RAC3: variants seen among roughly 807,000 people sequenced by gnomAD.
RAC3 encodes Rac family small GTPase 3.
In RAC3, 9 loss-of-function variants were observed where a neutral mutation model predicts 19.0. That is an observed-to-expected ratio of 0.47 (90% CI 0.29 to 0.83). The LOEUF (loss-of-function observed/expected upper bound fraction) is 0.83. Among genes scored for constraint, RAC3 ranks in the 40% least tolerant of loss-of-function variants. RAC3 has a pLI of 0.09. For synonymous variants in RAC3, 146 were observed against 111.8 expected, an observed-to-expected ratio of 1.31 and a Z score of -1.93; for missense variants, 203 against 260.8, an observed-to-expected ratio of 0.78 and a Z score of 1.53.
Position 82,033,902 on chromosome 17 carries a change from G to C in RAC3, c.*73G>C, listed in dbSNP as rs2043458042. 1 of 1,506,794 alleles carries C rather than the reference G, an allele frequency of 6.6e-7. No individual in the cohort carries two copies. The highest frequency in any genetic ancestry group is 8.9e-7 in the Non-Finnish European group (1 of 1,120,210). The allele number at this position is 1,506,794 out of a possible 1,614,324, so 93.3% of individuals were successfully genotyped here. A position where few individuals can be genotyped will look rare whatever the true frequency, so the allele number is the denominator to read the frequency against. On this transcript the variant is annotated 3_prime_UTR_variant, in exon 6 of 6. Transcript: ENST00000306897. This position sits in a 1 kb window ranked among gnomAD's most constrained non-coding sequence, Gnocchi z 6.2. ...CGTGTCCGCTGTTGTGTTGAGACGT[G>C]TGGTGTCCCTGAGTCGGCTGTGGGG... is the stretch of plus-strand genomic sequence containing the variant.
rs1005280185 is a variant in RAC3 at position 82,033,466 on chromosome 17, C to T, written c.315C>T (p.Cys105=). The change falls in exon 5 of 6, where the codon TGC becomes TGT. Residue 105 remains cysteine, a synonymous_variant. Coordinates refer to ENST00000306897, the MANE Select transcript of RAC3 (RefSeq NM_005052.3). This position sits in a 1 kb window ranked among gnomAD's most constrained non-coding sequence, Gnocchi z 6.2. ...AKWYPEVRHH[C]PHTPILLVGT... ...GGTACCCGGAGGTGCGGCACCACTG[C>T]CCCCACACGCCCATCCTCCTGGTGG... 5 of 1,610,160 alleles carry T rather than the reference C, an allele frequency of 3.1e-6. No homozygotes were observed. In the African/African-American group the frequency reaches 4.0e-5, roughly 13 times the overall value.
In RAC3 at chr17:82,033,418, A is replaced by G; in HGVS notation, c.289-22A>G. 1 of 1,568,438 alleles carries G rather than the reference A, an allele frequency of 6.4e-7. No homozygotes were observed. Among genetic ancestry groups the G allele is most frequent in the Non-Finnish European group, 8.6e-7 (1 of 1,157,536 alleles). ...GGGGTAGCCGACTCCGGGCCTAGGG[A>G]TCAGAGCGTCTGTCCCTGCAGTGGT... On this transcript the variant is annotated intron_variant, in intron 4 of 5. Coordinates refer to ENST00000306897, the MANE Select transcript of RAC3 (RefSeq NM_005052.3). This position sits in a 1 kb window ranked among gnomAD's most constrained non-coding sequence, Gnocchi z 6.2.
chr17:82,031,822 T>TGGCTG (rs1417615321), intron 1 of RAC3, 26 bp downstream of exon 1: 10 of 251,156 alleles, frequency 4.0e-5, no homozygotes, highest in Non-Finnish European at 6.0e-5. Context: ...GGAGGCCGCT[T>TGGCTG]GGCTGGGCTG....
intron 1 of RAC3, chr17:82,032,148 C>T: frequency 1.8e-6 from 1 of 553,670 alleles, no homozygotes. Flanking sequence ...GGAGTCGGGG[C>T]CTCTGCCTGG....
intron 1 of RAC3, 57 bp from the exon 2 acceptor site, chr17:82,032,330 G>C (rs1385711214): frequency 2.6e-6 from 4 of 1,564,390 alleles, no homozygotes; most frequent in Non-Finnish European, 3.5e-6. Flanking sequence ...GGCTGCCCTT[G>C]CTGGGCAGAG....
At position 82,031,720 on chromosome 17, in the gene RAC3, G is replaced by C. The variant is rs1221157556; in HGVS notation, c.-42G>C. 2 of 984,192 alleles carry C rather than the reference G, an allele frequency of 2.0e-6. No individual in the cohort carries two copies. Among genetic ancestry groups the C allele is most frequent in the African/African-American group, 3.5e-5 (2 of 56,510 alleles). 61.0% of individuals were successfully genotyped at this position (984,192 alleles called of 1,614,324 possible). A position where few individuals can be genotyped will look rare whatever the true frequency, so the allele number is the denominator to read the frequency against. On this transcript the variant is annotated 5_prime_UTR_variant, in exon 1 of 6. Coordinates refer to ENST00000306897, the MANE Select transcript of RAC3 (RefSeq NM_005052.3). ...CTGCGGCGCCGGGCATTTCTCCGCA[G>C]CTCGGCTCGCGGCCGCGCCCGCCGC...
In RAC3 at chr17:82,033,137, A is replaced by G. The variant is rs1283291736; in HGVS notation, c.288+128A>G. 3.7e-6 allele frequency: 4 copies of G among 1,089,558 alleles called. No individual in the cohort carries two copies. Among genetic ancestry groups the G allele is most frequent in the Non-Finnish European group, 5.4e-6 (4 of 735,438 alleles). 67.5% of individuals were successfully genotyped at this position (1,089,558 alleles called of 1,614,324 possible). A position where few individuals can be genotyped will look rare whatever the true frequency, so the allele number is the denominator to read the frequency against. The stretch of plus-strand genomic sequence containing the variant: ...TAGGCACACGGAGTGGGGTCTGAAG[A>G]TGACCATGGGGGCTGATGGGGTGCC... On this transcript the variant is annotated intron_variant, in intron 4 of 5. Transcript: ENST00000306897. The surrounding 1 kb of genome is among the most constrained non-coding windows in gnomAD (Gnocchi z 6.2).
At position 82,033,499 on chromosome 17, in the gene RAC3, G is replaced by A. The variant is rs546702613; in HGVS notation, c.348G>A (p.Lys116=). ...PHTPILLVGT[K]LDLRDDKDTI... is the part of the protein sequence containing the mutation. Reference sequence around the variant, plus strand: ...CGCCCATCCTCCTGGTGGGCACCAAGCTGGACCTCCGCGACGACAAGGACA... The same window carrying A: ...CGCCCATCCTCCTGGTGGGCACCAAACTGGACCTCCGCGACGACAAGGACA... Residue 116 remains lysine (K), a synonymous_variant, in exon 5 of 6, where the codon AAG becomes AAA. Transcript: ENST00000306897. This position sits in a 1 kb window ranked among gnomAD's most constrained non-coding sequence, Gnocchi z 6.2. 11 of 1,612,810 alleles carry A rather than the reference G, an allele frequency of 6.8e-6. No homozygotes were observed. The South Asian group carries it at 9.9e-5, about 14-fold the overall frequency.
chr17:82,033,689 C>T lies in RAC3; in HGVS notation c.449-10C>T. Reference sequence around the variant, plus strand: ...CCACCCTCACTGTCTCCCCTCCTCACTGCCGCTAGGCTCTGTGAAATACCT... The same window carrying T: ...CCACCCTCACTGTCTCCCCTCCTCATTGCCGCTAGGCTCTGTGAAATACCT... On this transcript the variant is annotated splice_polypyrimidine_tract_variant and intron_variant, in intron 5 of 5. Coordinates refer to ENST00000306897, the MANE Select transcript of RAC3 (RefSeq NM_005052.3). This position sits in a 1 kb window ranked among gnomAD's most constrained non-coding sequence, Gnocchi z 6.2. The T allele has an allele frequency of 2.5e-6, 4 of 1,610,992 alleles. No homozygotes were observed. Among genetic ancestry groups the T allele is most frequent in the Non-Finnish European group, 2.5e-6 (3 of 1,178,282 alleles).
At chr17:82,032,029 T>G in intron 1 of RAC3, 1 of 215,874 alleles carries the variant, frequency 4.6e-6, no homozygotes. Context: ...CCGCTTGGGC[T>G]GGCTGCGGGC....
chr17:82,032,871 T>C (rs770748962), intron 3 of RAC3, 43 bp downstream of exon 3: 9 of 1,610,640 alleles, frequency 5.6e-6, no homozygotes, highest in Admixed American at 3.3e-5. Context: ...GGGGGGTCCC[T>C]GAGATCCGCA....
Position 82,033,028 on chromosome 17 carries a change from C to T in RAC3, c.288+19C>T, listed in dbSNP as rs771097402. 4 of 1,608,544 alleles carry T rather than the reference C, an allele frequency of 2.5e-6. No homozygotes were observed. Among genetic ancestry groups the T allele is most frequent in the Non-Finnish European group, 1.7e-6 (2 of 1,176,110 alleles). On this transcript the variant is annotated intron_variant, in intron 4 of 5. Transcript: ENST00000306897. The surrounding 1 kb of genome is among the most constrained non-coding windows in gnomAD (Gnocchi z 6.2). Reference sequence around the variant, plus strand: ...TGCCAAGGTAGGGCAAGGCTGGGGGCCCCTGTGGGGAGAGGGCTTGCCCCA... The same window carrying T: ...TGCCAAGGTAGGGCAAGGCTGGGGGTCCCTGTGGGGAGAGGGCTTGCCCCA...
rs947744723 is a variant in RAC3, at chr17:82,034,177, T to C, written c.*348T>C. ...CCGAGGTGGGGCAGCCCCTTCTCAT[T>C]TTATACAATAAACATTCTCCACCTA... is the stretch of plus-strand genomic sequence containing the variant. On this transcript the variant is annotated 3_prime_UTR_variant, in exon 6 of 6. Transcript: ENST00000306897. 2.7e-5 allele frequency: 6 copies of C among 223,996 alleles called. No homozygotes were observed. The highest frequency in any genetic ancestry group is 3.6e-5 in the Non-Finnish European group (4 of 111,816). 13.9% of individuals were successfully genotyped at this position (223,996 alleles called of 1,614,324 possible). A position where few individuals can be genotyped will look rare whatever the true frequency, so the allele number is the denominator to read the frequency against.
Position 82,033,442 on chromosome 17 carries a change from G to C in RAC3, c.291G>C (p.Trp97Cys). The C allele has an allele frequency of 6.2e-7, 1 of 1,600,854 alleles. No homozygotes were observed. Among genetic ancestry groups the C allele is most frequent in the Non-Finnish European group, 8.5e-7 (1 of 1,173,824 alleles). Residue 97 changes from tryptophan (W) to cysteine (C), a missense_variant and splice_region_variant, in exon 5 of 6, where the codon TGG (tryptophan) becomes TGC (cysteine). By Grantham distance (215) the Trp-to-Cys change is radical. Transcript: ENST00000306897. The surrounding 1 kb of genome is among the most constrained non-coding windows in gnomAD (Gnocchi z 6.2). ...PASFENVRAK[W>C]YPEVRHHCPH... ...GATCAGAGCGTCTGTCCCTGCAGTG[G>C]TACCCGGAGGTGCGGCACCACTGCC...
chr17:82,032,824 AAACTGTACGT>A lies in RAC3; in HGVS notation c.225_225+9del, dbSNP rs1287693657. On this transcript the variant is annotated splice_donor_variant and splice_donor_5th_base_variant and coding_sequence_variant and intron_variant, in exon 3 of 6. Transcript: ENST00000306897. LOFTEE classifies it high-confidence loss of function. ...CGGCTGCGGCCACTCTCCTACCCCCAAACTGTACGTAACAATGGGGCCAGCCCCGGGAGCT... is the reference window on the plus strand; with the variant it reads ...CGGCTGCGGCCACTCTCCTACCCCCAAACAATGGGGCCAGCCCCGGGAGCT... 4 of 1,612,868 alleles carry A rather than the reference AAACTGTACGT, an allele frequency of 2.5e-6. No individual in the cohort carries two copies. Among genetic ancestry groups the A allele is most frequent in the Non-Finnish European group, 3.4e-6 (4 of 1,179,864 alleles).
rs1371470036 is a variant in RAC3 at position 82,033,434 on chromosome 17, C to G, written c.289-6C>G. ...GGCCTAGGGATCAGAGCGTCTGTCC[C>G]TGCAGTGGTACCCGGAGGTGCGGCA... On this transcript the variant is annotated splice_polypyrimidine_tract_variant and splice_region_variant and intron_variant, in intron 4 of 5. Transcript: ENST00000306897. The surrounding 1 kb of genome is among the most constrained non-coding windows in gnomAD (Gnocchi z 6.2). 1 of 1,597,102 alleles carries G rather than the reference C, an allele frequency of 6.3e-7. No homozygotes were observed. The highest frequency in any genetic ancestry group is 1.1e-5 in the South Asian group (1 of 88,598).
chr17:82,033,557 C>T lies in RAC3; in HGVS notation c.406C>T (p.Pro136Ser), dbSNP rs1029912074. 2.5e-6 allele frequency: 4 copies of T among 1,612,738 alleles called. No homozygotes were observed. The highest frequency in any genetic ancestry group is 1.1e-5 in the South Asian group (1 of 91,068). Residue 136 changes from proline to serine, a missense_variant, in exon 5 of 6, where the codon CCC becomes TCC. By Grantham distance (74) the Pro-to-Ser change is moderately conservative (BLOSUM62 -1). This residue lies in a region of RAC3 where 142 missense variants were observed against 158.2 expected (regional missense o/e 0.90). Coordinates refer to ENST00000306897, the MANE Select transcript of RAC3 (RefSeq NM_005052.3). The surrounding 1 kb of genome is among the most constrained non-coding windows in gnomAD (Gnocchi z 6.2). ...IERLRDKKLAPITYPQGLAMA... is the reference protein window; with the variant it reads ...IERLRDKKLASITYPQGLAMA... ...GCGGCTGCGGGACAAGAAGCTGGCA[C>T]CCATCACCTACCCACAGGGCCTGGC...
Position 82,033,583 on chromosome 17 carries a change from C to T in RAC3, c.432C>T (p.Ala144=), listed in dbSNP as rs200822908. The part of the protein sequence containing the change: ...LAPITYPQGL[A]MAREIGSVKY... ...CCATCACCTACCCACAGGGCCTGGC[C>T]ATGGCCCGGGAGATTGGTGGGTAGG... Residue 144 remains alanine, a synonymous_variant, in exon 5 of 6, where the codon GCC becomes GCT. Coordinates refer to ENST00000306897, the MANE Select transcript of RAC3 (RefSeq NM_005052.3). This position sits in a 1 kb window ranked among gnomAD's most constrained non-coding sequence, Gnocchi z 6.2. 1.6e-5 allele frequency: 25 copies of T among 1,611,418 alleles called. No homozygotes were observed. The highest frequency in any genetic ancestry group is 2.7e-5 in the African/African-American group (2 of 74,880).
chr17:82,032,751 C>T lies in RAC3; in HGVS notation c.148C>T (p.Pro50Ser). The T allele has an allele frequency of 1.2e-6, 2 of 1,613,166 alleles. No homozygotes were observed. Among genetic ancestry groups the T allele is most frequent in the Non-Finnish European group, 1.7e-6 (2 of 1,180,000 alleles). ...TGCCAACGTGATGGTGGACGGGAAA[C>T]CAGTCAACTTGGGGCTGTGGGACAC... is the stretch of plus-strand genomic sequence containing the variant. ...YSANVMVDGKPVNLGLWDTAG... is the reference protein window; with the variant it reads ...YSANVMVDGKSVNLGLWDTAG... The change falls in exon 3 of 6, where the codon CCA becomes TCA. Residue 50 changes from proline to serine, a missense_variant. Coordinates refer to ENST00000306897, the MANE Select transcript of RAC3 (RefSeq NM_005052.3).
Sources: gnomAD v4.1 joint callset for allele counts on GRCh38, gnomAD v4.1.1 for gene constraint, gnomAD v4.1.1 regional missense constraint, Gnocchi (gnomAD v3.1) non-coding constraint, MANE v1.5 for transcripts, NCBI Gene and HGNC (gene_info 2026-07-23, HGNC 2026-07-21) for gene names.